The following WASHC3 variants were observed in gnomAD, a reference collection of about 807,000 sequenced individuals.
The protein encoded by WASHC3 is WASH complex subunit 3, also known as WASH complex subunit CCDC53.
Under a neutral mutation model 26.1 loss-of-function variants are expected in WASHC3, and 24 were observed. The ratio of observed to expected loss-of-function variants is 0.92; its 90% CI spans 0.66 to 1.29. WASHC3 has a LOEUF of 1.29. WASHC3 is among the 50% of genes most tolerant of loss of function. The pLI, the probability that WASHC3 is intolerant of heterozygous loss-of-function variation, is 0.00. For missense variants in WASHC3, 214 were observed against 229.6 expected, an observed-to-expected ratio of 0.93 and a Z score of 0.44; for synonymous variants, 77 against 75.7, an observed-to-expected ratio of 1.02 and a Z score of -0.09.
intron 2 of WASHC3, among the ~76,000 whole-genome samples, chr12:102,060,169 A>G (rs1015002793): frequency 6.6e-6 from 1 of 152,232 alleles, no homozygotes; most frequent in East Asian, 1.9e-4. Flanking sequence ...TTACTTGTGA[A>G]TATCTAAGTC....
At chr12:102,019,659 A>G (rs1462579428) in intron 6 of WASHC3, among the ~76,000 whole-genome samples, 2 of 152,238 alleles carry the variant, frequency 1.3e-5, no homozygotes, top group African/African-American at 4.8e-5. Flanking sequence ...TGGTGGCTAC[A>G]TTTTAATAAG....
chr12:102,053,485 C>A (rs58775115), intron 2 of WASHC3, among the ~76,000 whole-genome samples: 1 of 152,310 alleles, frequency 6.6e-6, no homozygotes, highest in African/African-American at 2.4e-5. Flanking sequence ...AGCCAGTCTG[C>A]AAAGACTGGA....
chr12:102,033,176 A>G (rs1877505279), intron 5 of WASHC3, among the ~76,000 whole-genome samples: 1 of 152,114 alleles, frequency 6.6e-6, no homozygotes, highest in Admixed American at 6.6e-5. Flanking sequence ...TTAGAGAGGA[A>G]GCCAAAGGGG....
intron 2 of WASHC3, among the ~76,000 whole-genome samples, chr12:102,059,178 G>GA (rs1056007736): frequency 2.0e-5 from 3 of 152,106 alleles, no homozygotes; most frequent in African/African-American, 4.8e-5. Context: ...AAATTGCTAA[G>GA]AGAGGCGATT....
chr12:102,035,664 CAT>C (rs139746579), intron 5 of WASHC3, among the ~76,000 whole-genome samples: 28,493 of 152,078 alleles, frequency 0.19, 2,702 homozygotes, highest in Non-Finnish European at 0.21. Flanking sequence ...TGCAGGATTA[CAT>C]ATAGAGTCCA....
intron 2 of WASHC3, among the ~76,000 whole-genome samples, chr12:102,050,836 G>A (rs973995219): frequency 6.6e-6 from 1 of 152,158 alleles, no homozygotes; most frequent in Admixed American, 6.5e-5. Flanking sequence ...AGTCCCAATG[G>A]ATGACCATAA....
At chr12:102,028,228 T>A (rs139359170) in intron 5 of WASHC3, among the ~76,000 whole-genome samples, 78 of 152,236 alleles carry the variant, frequency 5.1e-4, no homozygotes, top group African/African-American at 1.8e-3. Flanking sequence ...CAAAACATAC[T>A]TAATAACAAA....
intron 5 of WASHC3, among the ~76,000 whole-genome samples, chr12:102,032,938 G>A (rs1260274379): frequency 6.6e-6 from 1 of 152,062 alleles, no homozygotes; most frequent in Non-Finnish European, 1.5e-5. Context: ...AAAAAGGCAT[G>A]GAGACCAAAA....
intron 2 of WASHC3, among the ~76,000 whole-genome samples, chr12:102,060,082 T>C (rs903394457): frequency 2.0e-5 from 3 of 152,248 alleles, no homozygotes; most frequent in African/African-American, 7.2e-5. Flanking sequence ...GCAATTTTTA[T>C]TAATAGTAGT....
chr12:102,062,048 T>G, upstream of WASHC3: 1 of 1,184,518 alleles, frequency 8.4e-7, no homozygotes. Context: ...GTCTCAACTT[T>G]CCCCCCAAGT....
chr12:102,048,756 T>C (rs1038636720), intron 2 of WASHC3, among the ~76,000 whole-genome samples: 1 of 152,180 alleles, frequency 6.6e-6, no homozygotes, highest in Admixed American at 6.5e-5. Context: ...CCTACTAGTA[T>C]GTCATAGTTT....
At chr12:102,060,753 C>T (rs923708619) in intron 2 of WASHC3, among the ~76,000 whole-genome samples, 3 of 151,890 alleles carry the variant, frequency 2.0e-5, no homozygotes, top group Admixed American at 6.6e-5. Flanking sequence ...GTCAGGAATT[C>T]GAGACCAGCT....
At chr12:102,022,183 G>A (rs1038778523) in intron 6 of WASHC3, among the ~76,000 whole-genome samples, 1 of 152,052 alleles carries the variant, frequency 6.6e-6, no homozygotes, top group Non-Finnish European at 1.5e-5. Flanking sequence ...AACAATATAG[G>A]TTCTCAGTTT....
chr12:102,035,416 T>G (rs1438231858), intron 5 of WASHC3, among the ~76,000 whole-genome samples: 1 of 152,108 alleles, frequency 6.6e-6, no homozygotes, highest in Non-Finnish European at 1.5e-5. Context: ...TGTTGGAAAT[T>G]TTGACAGTCA....
chr12:102,013,987 C>G (rs1408861988), intron 6 of WASHC3, among the ~76,000 whole-genome samples: 1 of 150,368 alleles, frequency 6.7e-6, no homozygotes, highest in Non-Finnish European at 1.5e-5. Flanking sequence ...AGCCTCTATT[C>G]ACTCTTACCA....
chr12:102,031,328 C>G (rs983876952), intron 5 of WASHC3, among the ~76,000 whole-genome samples: 3 of 152,266 alleles, frequency 2.0e-5, no homozygotes, highest in South Asian at 2.1e-4. Context: ...CTATCCAAAC[C>G]TTGATGCATT....
chr12:102,026,446 A>G lies in WASHC3; in HGVS notation c.436-408T>C, dbSNP rs373209535. 1.1e-4 allele frequency among the ~76,000 whole-genome samples: 17 copies of G among 152,314 alleles called. 1 individual carries two copies. Among genetic ancestry groups the G allele is most frequent in the Admixed American group, 2.0e-4 (3 of 15,304 alleles). ...AAGATTTCAGAGAGTTCCATTCTTAAGTATAGCTATATTAATGTTCTTTTA... is the reference window on the plus strand; with the variant it reads ...AAGATTTCAGAGAGTTCCATTCTTAGGTATAGCTATATTAATGTTCTTTTA... On this transcript the variant is annotated intron_variant, in intron 5 of 6. Transcript: ENST00000240079.
At chr12:102,056,400 C>G (rs1878594538) in intron 2 of WASHC3, among the ~76,000 whole-genome samples, 1 of 152,110 alleles carries the variant, frequency 6.6e-6, no homozygotes, top group Admixed American at 6.5e-5. Flanking sequence ...TGACAGAAAA[C>G]AGAACAATGC....
Position 102,013,207 on chromosome 12 carries a change from A to T in WASHC3, c.501-15T>A, listed in dbSNP as rs1391780911. 4.0e-5 allele frequency: 56 copies of T among 1,405,864 alleles called. No individual in the cohort carries two copies. The highest frequency in any genetic ancestry group is 5.4e-5 in the Non-Finnish European group (55 of 1,025,956). The allele number at this position is 1,405,864 out of a possible 1,614,324, so 87.1% of individuals were successfully genotyped here. Reference sequence around the variant, plus strand: ...CATCTGGCCTCCTAAAAGAAAAGAAAAAAAAATTTCAAAGGTCTTTTCCAA... The same window carrying T: ...CATCTGGCCTCCTAAAAGAAAAGAATAAAAAATTTCAAAGGTCTTTTCCAA... On this transcript the variant is annotated splice_polypyrimidine_tract_variant and intron_variant, in intron 6 of 6. Coordinates refer to ENST00000240079, the MANE Select transcript of WASHC3 (RefSeq NM_016053.4).
Sources: gnomAD v4.1 joint callset for allele counts (sites outside exome capture counted in the v4.1 genomes callset) on GRCh38, gnomAD v4.1.1 for gene constraint, MANE v1.5 for transcripts, NCBI Gene and HGNC (gene_info 2026-07-23, HGNC 2026-07-21) for gene names.